Variants in SYN2 observed in about 807,000 individuals in gnomAD.
The protein encoded by SYN2 is synapsin-2.
SYN2 carries 19 observed loss-of-function variants against 50.9 expected under a neutral mutation model. The ratio of observed to expected loss-of-function variants is 0.37; its 90% CI spans 0.26 to 0.55. SYN2 has a LOEUF of 0.55. Among genes scored for constraint, SYN2 ranks in the 20% least tolerant of loss-of-function variants. The pLI, the probability that SYN2 is intolerant of heterozygous loss-of-function variation, is 0.81. For synonymous variants in SYN2, 255 were observed against 224.9 expected, an observed-to-expected ratio of 1.13 and a Z score of -1.20; for missense variants, 587 against 576.4, an observed-to-expected ratio of 1.02 and a Z score of -0.19.
At chr3:12,034,588 G>A (rs1156703346) in intron 1 of SYN2, among the ~76,000 whole-genome samples, 1 of 152,176 alleles carries the variant, frequency 6.6e-6, no homozygotes, top group Non-Finnish European at 1.5e-5. Flanking sequence ...CCTTTTGGCT[G>A]CATCATAACA....
At chr3:12,166,840 C>G (rs565108809) in intron 7 of SYN2, among the ~76,000 whole-genome samples, 4 of 152,170 alleles carry the variant, frequency 2.6e-5, no homozygotes, top group African/African-American at 9.7e-5. Flanking sequence ...ACGATATGTA[C>G]CTTCAAGTGG....
chr3:12,062,557 A>G (rs114034838), intron 1 of SYN2, among the ~76,000 whole-genome samples: 2,357 of 152,128 alleles, frequency 0.015, 23 homozygotes, highest in Non-Finnish European at 0.024. Context: ...TGTTAAGAGA[A>G]TTGAAAGACA....
At position 12,122,340 on chromosome 3, in the gene SYN2, A is replaced by C. The variant is rs376373169; in HGVS notation, c.378-18311A>C. On this transcript the variant is annotated intron_variant, in intron 1 of 12. Coordinates refer to ENST00000621198, the MANE Select transcript of SYN2 (RefSeq NM_133625.6). ...AACAACATTCTTTGAAATACACTGAATTTTCAAGAATTAAGAGACTCTCGA... is the reference window on the plus strand; with the variant it reads ...AACAACATTCTTTGAAATACACTGACTTTTCAAGAATTAAGAGACTCTCGA... 2.6e-4 allele frequency among the ~76,000 whole-genome samples: 39 copies of C among 152,288 alleles called. No individual in the cohort carries two copies. The South Asian group carries it at 8.1e-3, about 32-fold the overall frequency.
intron 1 of SYN2, among the ~76,000 whole-genome samples, chr3:12,010,044 G>A (rs901419019): frequency 6.6e-6 from 1 of 152,080 alleles, no homozygotes; most frequent in Non-Finnish European, 1.5e-5. Flanking sequence ...ATGGTGAGCC[G>A]AGATCGCACC....
intron 1 of SYN2, among the ~76,000 whole-genome samples, chr3:12,021,001 G>T (rs1694123414): frequency 1.3e-5 from 2 of 152,064 alleles, no homozygotes; most frequent in Admixed American, 1.3e-4. Context: ...TCTAATATTT[G>T]TTCATATACA....
intron 4 of SYN2, chr3:12,148,786 A>G (rs1697211953): frequency 6.6e-6 from 1 of 152,210 alleles, no homozygotes; most frequent in Non-Finnish European, 1.5e-5. Flanking sequence ...CATTACTCAA[A>G]TGGATCTGGA....
intron 3 of SYN2, among the ~76,000 whole-genome samples, chr3:12,144,199 AG>A (rs1697092673): frequency 2.0e-5 from 3 of 152,370 alleles, no homozygotes; most frequent in African/African-American, 7.2e-5. Context: ...TTTGCTGGCT[AG>A]AGGGGAAACG....
chr3:12,158,752 C>T, intron 5 of SYN2: 1 of 1,608,234 alleles, frequency 6.2e-7, no homozygotes, highest in Non-Finnish European at 8.5e-7. Flanking sequence ...GGCGCAGCTG[C>T]ATGCCTCACC....
chr3:12,130,502 A>C (rs1306954392), intron 1 of SYN2, among the ~76,000 whole-genome samples: 1 of 152,156 alleles, frequency 6.6e-6, no homozygotes, highest in Non-Finnish European at 1.5e-5. Flanking sequence ...TGTTCTAATC[A>C]GACCTTCAGT....
chr3:12,124,896 T>TA (rs1477083865), intron 1 of SYN2, among the ~76,000 whole-genome samples: 4 of 152,328 alleles, frequency 2.6e-5, no homozygotes, highest in East Asian at 1.9e-4. Flanking sequence ...CAACAGTGTA[T>TA]ATTAATATAG....
intron 1 of SYN2, among the ~76,000 whole-genome samples, chr3:12,035,919 C>G (rs1346381685): frequency 1.3e-5 from 2 of 152,090 alleles, no homozygotes; most frequent in African/African-American, 4.8e-5. Context: ...TTGAAAACAA[C>G]TAAGGACATA....
At chr3:12,023,213 A>T (rs1694182674) in intron 1 of SYN2, among the ~76,000 whole-genome samples, 2 of 151,976 alleles carry the variant, frequency 1.3e-5, no homozygotes, top group Non-Finnish European at 2.9e-5. Context: ...AAAAAAAAAA[A>T]TCATTGTCAT....
At chr3:12,158,610 C>T in intron 5 of SYN2, 1 of 1,542,794 alleles carries the variant, frequency 6.5e-7, no homozygotes, top group South Asian at 1.2e-5. Flanking sequence ...TTGAGCTCCT[C>T]CCTTTTCCTC....
chr3:12,184,372 C>A, intron 11 of SYN2: 3 of 985,860 alleles, frequency 3.0e-6, no homozygotes, highest in Non-Finnish European at 3.6e-6. Flanking sequence ...CAAAGCTTGA[C>A]CTGTGTACAG....
chr3:12,008,332 A>G (rs1246305746), intron 1 of SYN2, among the ~76,000 whole-genome samples: 1 of 152,218 alleles, frequency 6.6e-6, no homozygotes, highest in Non-Finnish European at 1.5e-5. Context: ...CCTTCTCTGT[A>G]TAGGGGATAT....
intron 1 of SYN2, among the ~76,000 whole-genome samples, chr3:12,077,123 A>G (rs1346911144): frequency 6.6e-6 from 1 of 151,988 alleles, no homozygotes; most frequent in African/African-American, 2.4e-5. Context: ...TCCTCTGTGA[A>G]CTAGTCTCCA....
intron 1 of SYN2, among the ~76,000 whole-genome samples, chr3:12,084,857 G>A (rs895147556): frequency 1.3e-5 from 2 of 151,900 alleles, no homozygotes; most frequent in Non-Finnish European, 2.9e-5. Flanking sequence ...TAAGCCTTAC[G>A]GTAACCATGA....
At chr3:12,040,122 G>T (rs1694580182) in intron 1 of SYN2, among the ~76,000 whole-genome samples, 1 of 152,168 alleles carries the variant, frequency 6.6e-6, no homozygotes. Context: ...GAGGAGGAGA[G>T]ACTACATGGA....
intron 1 of SYN2, among the ~76,000 whole-genome samples, chr3:12,066,957 A>G (rs1695229539): frequency 6.6e-6 from 1 of 152,148 alleles, no homozygotes; most frequent in Non-Finnish European, 1.5e-5. Flanking sequence ...CCTTCTTCAC[A>G]TGGTGGCAGG....
Sources: gnomAD v4.1 joint callset for allele counts (sites outside exome capture counted in the v4.1 genomes callset) on GRCh38, gnomAD v4.1.1 for gene constraint, MANE v1.5 for transcripts, NCBI Gene and HGNC (gene_info 2026-07-23, HGNC 2026-07-21) for gene names.